The following MYT1 variants were observed in gnomAD, a reference collection of about 807,000 sequenced individuals.
The protein encoded by MYT1 is myelin transcription factor 1.
Under a neutral mutation model 123.0 loss-of-function variants are expected in MYT1, and 23 were observed. The observed-to-expected ratio is 0.19, with a 90% confidence interval of 0.13 to 0.26. MYT1 has a LOEUF of 0.26. MYT1 is among the 10% of genes least tolerant of loss of function. The probability of loss-of-function intolerance (pLI) is 1.00; values close to 1 mark genes in which losing one functional copy is unlikely to be tolerated. For missense variants in MYT1, 1,125 were observed against 1,472.5 expected (o/e 0.76, Z 3.86); for synonymous variants, 518 against 575.3 (o/e 0.90, Z 1.43).
At chr20:64,234,372 C>G (rs957863773) in intron 19 of MYT1, among the ~76,000 whole-genome samples, 1 of 152,146 alleles carries the variant, frequency 6.6e-6, no homozygotes, top group Non-Finnish European at 1.5e-5. Flanking sequence ...CAGAGGGAGC[C>G]CTGCTGAGAG....
chr20:64,205,864 C>G, intron 6 of MYT1, 64 bp downstream of exon 6: 2 of 1,580,116 alleles, frequency 1.3e-6, no homozygotes, highest in Non-Finnish European at 1.7e-6. Flanking sequence ...GAATTGCAGC[C>G]TGTGAGCGGG....
At chr20:64,223,228 C>T in intron 15 of MYT1, 55 bp downstream of exon 15, 2 of 1,613,340 alleles carry the variant, frequency 1.2e-6, no homozygotes, top group South Asian at 2.2e-5. Context: ...GGGTCTTCCT[C>T]CTCTCCTCCT....
chr20:64,205,312 G>A (rs556522470), intron 5 of MYT1, among the ~76,000 whole-genome samples: 5 of 140,732 alleles, frequency 3.6e-5, no homozygotes, highest in Admixed American at 3.5e-4. Flanking sequence ...CCTCCCGCGA[G>A]GCAGCGACTT....
rs6122276 is a variant in MYT1, at chr20:64,219,694, C to T, written c.1972-19C>T. 0.021 allele frequency: 33,656 copies of T among 1,596,054 alleles called. 1,381 individuals carry two copies. The highest frequency in any genetic ancestry group is 0.13 in the African/African-American group (9,832 of 74,604). On this transcript the variant is annotated intron_variant, in intron 12 of 22. Transcript: ENST00000328439. ...GGAAGGGATGGAATCGCTAACAGATCTCACCTTTGCCATTGCAGTCTGTGG... is the reference window on the plus strand; with the variant it reads ...GGAAGGGATGGAATCGCTAACAGATTTCACCTTTGCCATTGCAGTCTGTGG...
At chr20:64,220,041 G>A in intron 13 of MYT1, 59 bp downstream of exon 13, 1 of 1,424,816 alleles carries the variant, frequency 7.0e-7, no homozygotes, top group Middle Eastern at 2.4e-4. Flanking sequence ...CCCTGCCTGA[G>A]GCTGTTGTGA....
chr20:64,219,049 C>T lies in MYT1; in HGVS notation c.1971+14C>T. The T allele has an allele frequency of 6.2e-7, 1 of 1,603,480 alleles. No homozygotes were observed. Among genetic ancestry groups the T allele is most frequent in the Non-Finnish European group, 8.5e-7 (1 of 1,173,194 alleles). On this transcript the variant is annotated intron_variant, in intron 12 of 22. Transcript: ENST00000328439. ...CTCCCCAGCAAGGTTAGTACATCTGCCACAGAGCCTTTCTTGGGAGAGGTG... is the reference window on the plus strand; with the variant it reads ...CTCCCCAGCAAGGTTAGTACATCTGTCACAGAGCCTTTCTTGGGAGAGGTG...
At chr20:64,223,885 C>T (rs1271061184) in intron 16 of MYT1, among the ~76,000 whole-genome samples, 1 of 152,202 alleles carries the variant, frequency 6.6e-6, no homozygotes, top group African/African-American at 2.4e-5. Context: ...TCCCCCCATG[C>T]TCATGCCTTC....
chr20:64,167,778 C>T lies in MYT1; in HGVS notation c.-99+3039C>T, dbSNP rs186279415. On this transcript the variant is annotated intron_variant, in intron 1 of 22. Coordinates refer to ENST00000328439, the MANE Select transcript of MYT1 (RefSeq NM_004535.3). The surrounding 1 kb of genome is among the most constrained non-coding windows in gnomAD (Gnocchi z 6.3). The stretch of plus-strand genomic sequence containing the variant: ...TTAGATCCTCCCCCTCTGCATTTTC[C>T]GTGTGAACTCCCTCATGAATAAACC... 1.9e-4 allele frequency among the ~76,000 whole-genome samples: 29 copies of T among 152,324 alleles called. No individual in the cohort carries two copies. In the East Asian group the frequency reaches 3.7e-3, roughly 19 times the overall value.
intron 2 of MYT1, among the ~76,000 whole-genome samples, chr20:64,198,405 C>T (rs1463139704): frequency 2.6e-5 from 4 of 152,168 alleles, no homozygotes; most frequent in South Asian, 2.1e-4. Context: ...CCAGCACTGC[C>T]GCTGGTGGCT....
chr20:64,219,624 C>G (rs1245122410), intron 12 of MYT1, 89 bp from the exon 13 acceptor site: 16 of 1,195,028 alleles, frequency 1.3e-5, no homozygotes, highest in Non-Finnish European at 1.9e-5. Flanking sequence ...AACCAGTGTT[C>G]TGGACTCTGT....
chr20:64,215,478 G>A lies in MYT1; in HGVS notation c.1632-1589G>A, dbSNP rs116979956. Among the ~76,000 whole-genome samples, 604 of 152,234 alleles carry A rather than the reference G, an allele frequency of 4.0e-3. 5 individuals carry two copies. The South Asian group carries it at 0.042, about 11-fold the overall frequency. ...CTATCGAACTTTGGGGTGTGAGGACGGGCTTTGCAAAGCTTCGTTGGCATT... is the reference window on the plus strand; with the variant it reads ...CTATCGAACTTTGGGGTGTGAGGACAGGCTTTGCAAAGCTTCGTTGGCATT... On this transcript the variant is annotated intron_variant, in intron 10 of 22. Transcript: ENST00000328439.
chr20:64,201,000 G>A (rs1022668954), intron 4 of MYT1, among the ~76,000 whole-genome samples: 6 of 152,214 alleles, frequency 3.9e-5, no homozygotes, highest in African/African-American at 1.4e-4. Context: ...TTGCGACGGC[G>A]AGAGATGCTC....
Position 64,203,297 on chromosome 20 carries a change from T to C in MYT1, c.87-1738T>C, listed in dbSNP as rs962639370. ...TGATTCACTCAGTGATGTCATCGGC[T>C]AATTGGGACCTTAGCTTCAAATCCC... On this transcript the variant is annotated intron_variant, in intron 4 of 22. Transcript: ENST00000328439. The surrounding 1 kb of genome is among the most constrained non-coding windows in gnomAD (Gnocchi z 5.1). Among the ~76,000 whole-genome samples the C allele has an allele frequency of 6.6e-6, 1 of 152,230 alleles. No individual in the cohort carries two copies. Among genetic ancestry groups the C allele is most frequent in the African/African-American group, 2.4e-5 (1 of 41,458 alleles).
chr20:64,201,348 G>T (rs568372410), intron 4 of MYT1, among the ~76,000 whole-genome samples: 2 of 152,264 alleles, frequency 1.3e-5, no homozygotes, highest in East Asian at 3.9e-4. Flanking sequence ...GAGCCTTGTG[G>T]TCTCAACTGA....
chr20:64,176,310 T>C (rs1299041549), intron 1 of MYT1, among the ~76,000 whole-genome samples: 1 of 119,068 alleles, frequency 8.4e-6, no homozygotes, highest in African/African-American at 3.5e-5. Flanking sequence ...TGTAGTTGTG[T>C]CCATTCCCCC....
chr20:64,213,499 G>A lies in MYT1; in HGVS notation c.1518-35G>A. 1.9e-6 allele frequency: 3 copies of A among 1,559,734 alleles called. No individual in the cohort carries two copies. Among genetic ancestry groups the A allele is most frequent in the Non-Finnish European group, 1.8e-6 (2 of 1,131,842 alleles). Reference sequence around the variant, plus strand: ...CCCAGGACAGGACAGGCATGGAGGGGAAGGCTCAGAAACCCCTCCTCTTCC... The same window carrying A: ...CCCAGGACAGGACAGGCATGGAGGGAAAGGCTCAGAAACCCCTCCTCTTCC... On this transcript the variant is annotated intron_variant, in intron 9 of 22. Coordinates refer to ENST00000328439, the MANE Select transcript of MYT1 (RefSeq NM_004535.3). This position sits in a 1 kb window ranked among gnomAD's most constrained non-coding sequence, Gnocchi z 5.6.
intron 2 of MYT1, among the ~76,000 whole-genome samples, chr20:64,194,653 AAG>A (rs1983054420): frequency 6.6e-6 from 1 of 152,170 alleles, no homozygotes. Context: ...AAAGGAATGA[AAG>A]AGGCAGAGAG....
Position 64,235,924 on chromosome 20 carries a change from C to A in MYT1, c.2898-631C>A, listed in dbSNP as rs368217661. On this transcript the variant is annotated intron_variant, in intron 19 of 22. Transcript: ENST00000328439. ...GATGGCCGCGGTGGGTGACCCTGGG[C>A]TGGCCGCGGTGGGTGACCCTGGGCT... Among the ~76,000 whole-genome samples, 438 of 117,540 alleles carry A rather than the reference C, an allele frequency of 3.7e-3. 2 individuals are homozygous for A. Among genetic ancestry groups the A allele is most frequent in the African/African-American group, 4.7e-3 (141 of 29,972 alleles). 77.1% of individuals were successfully genotyped at this position (117,540 alleles called of 152,430 possible).
chr20:64,219,279 C>T (rs991206616), intron 12 of MYT1, among the ~76,000 whole-genome samples: 3 of 152,242 alleles, frequency 2.0e-5, no homozygotes, highest in Non-Finnish European at 1.5e-5. Context: ...CAAGTTCCCA[C>T]GTGTTAGGTT....
Sources: gnomAD v4.1 joint callset for allele counts (sites outside exome capture counted in the v4.1 genomes callset) on GRCh38, gnomAD v4.1.1 for gene constraint, Gnocchi (gnomAD v3.1) non-coding constraint, MANE v1.5 for transcripts, NCBI Gene and HGNC (gene_info 2026-07-23, HGNC 2026-07-21) for gene names.